The following LRMDA variants were observed in gnomAD, a reference collection of about 807,000 sequenced individuals.
The protein encoded by LRMDA is leucine-rich melanocyte differentiation-associated protein.
LRMDA carries 18 observed loss-of-function variants against 29.8 expected under a neutral mutation model. The observed-to-expected ratio is 0.60, with a 90% confidence interval of 0.42 to 0.90. LRMDA has a LOEUF of 0.90. Among genes scored for constraint, LRMDA ranks in the 40% least tolerant of loss-of-function variants. The probability of loss-of-function intolerance (pLI) is 0.00; values close to 1 mark genes in which losing one functional copy is unlikely to be tolerated. For synonymous variants in LRMDA, 125 were observed against 109.4 expected, an observed-to-expected ratio of 1.14 and a Z score of -0.89; for missense variants, 273 against 273.9, an observed-to-expected ratio of 1.00 and a Z score of 0.02.
chr10:75,627,666 C>T (rs763411914), intron 2 of LRMDA, among the ~76,000 whole-genome samples: 28 of 152,276 alleles, frequency 1.8e-4, no homozygotes, highest in African/African-American at 3.4e-4. Flanking sequence ...CAGTCTACCA[C>T]GATGCTTGGA....
intron 5 of LRMDA, among the ~76,000 whole-genome samples, chr10:76,202,211 A>G (rs1412547690): frequency 6.6e-6 from 1 of 152,202 alleles, no homozygotes; most frequent in Non-Finnish European, 1.5e-5. Context: ...CACCAGGGAC[A>G]CAGATACAGG....
At chr10:75,765,927 A>G (rs1327290562) in intron 2 of LRMDA, among the ~76,000 whole-genome samples, 1 of 152,152 alleles carries the variant, frequency 6.6e-6, no homozygotes, top group African/African-American at 2.4e-5. Context: ...TGTGGGAAGC[A>G]TGGAGTATGC....
At chr10:75,637,789 C>T (rs1007624346) in intron 2 of LRMDA, among the ~76,000 whole-genome samples, 1 of 152,166 alleles carries the variant, frequency 6.6e-6, no homozygotes, top group Non-Finnish European at 1.5e-5. Flanking sequence ...GGCAGCTGCC[C>T]AGAGTGGAAT....
At chr10:76,449,075 A>C (rs77964674) in intron 6 of LRMDA, among the ~76,000 whole-genome samples, 47 of 152,004 alleles carry the variant, frequency 3.1e-4, no homozygotes, top group African/African-American at 1.0e-3. Context: ...AACTTTATCA[A>C]ATATACTAAA....
intron 5 of LRMDA, among the ~76,000 whole-genome samples, chr10:76,293,406 T>C (rs2132350686): frequency 6.6e-6 from 1 of 152,310 alleles, no homozygotes; most frequent in East Asian, 1.9e-4. Flanking sequence ...CTACCCAAAA[T>C]GGTAATTTTG....
intron 6 of LRMDA, among the ~76,000 whole-genome samples, chr10:76,366,638 C>G (rs1169010323): frequency 6.6e-6 from 1 of 152,122 alleles, no homozygotes; most frequent in African/African-American, 2.4e-5. Flanking sequence ...TTTATCAGTT[C>G]TACAAGTTTT....
intron 2 of LRMDA, among the ~76,000 whole-genome samples, chr10:75,621,083 C>T (rs1049737373): frequency 5.3e-5 from 8 of 152,132 alleles, no homozygotes; most frequent in South Asian, 2.1e-4. Flanking sequence ...TGAGAACATA[C>T]GATGTTTGGT....
chr10:76,329,914 A>T (rs1840884384), intron 6 of LRMDA, among the ~76,000 whole-genome samples: 1 of 152,234 alleles, frequency 6.6e-6, no homozygotes, highest in Non-Finnish European at 1.5e-5. Context: ...AGACATAAAT[A>T]CAGAGTGTTT....
intron 5 of LRMDA, among the ~76,000 whole-genome samples, chr10:76,214,034 C>G (rs1051013788): frequency 6.6e-6 from 1 of 152,180 alleles, no homozygotes; most frequent in African/African-American, 2.4e-5. Context: ...CATGTTACAT[C>G]ATGGCCCATG....
intron 2 of LRMDA, among the ~76,000 whole-genome samples, chr10:75,560,010 A>G (rs1021655401): frequency 2.6e-4 from 39 of 150,852 alleles, no homozygotes; most frequent in African/African-American, 9.5e-4. Context: ...TGGCTTGGCG[A>G]TGTGGGCTCT....
intron 6 of LRMDA, among the ~76,000 whole-genome samples, chr10:76,392,141 C>A (rs967996066): frequency 2.6e-5 from 4 of 151,906 alleles, no homozygotes; most frequent in Admixed American, 6.6e-5. Context: ...ACAGCTAATT[C>A]TATTTTCTGA....
At chr10:76,526,171 A>G (rs1843172456) in intron 6 of LRMDA, among the ~76,000 whole-genome samples, 1 of 152,178 alleles carries the variant, frequency 6.6e-6, no homozygotes, top group Non-Finnish European at 1.5e-5. Context: ...CTCTCAAATC[A>G]TGAGAAAAGT....
intron 2 of LRMDA, among the ~76,000 whole-genome samples, chr10:75,900,863 A>G (rs762600808): frequency 6.6e-6 from 1 of 152,168 alleles, no homozygotes; most frequent in Non-Finnish European, 1.5e-5. Flanking sequence ...GTCTTACTGC[A>G]TAGGACCTTG....
At chr10:76,398,850 G>A (rs1049318945) in intron 6 of LRMDA, among the ~76,000 whole-genome samples, 1 of 152,144 alleles carries the variant, frequency 6.6e-6, no homozygotes, top group Non-Finnish European at 1.5e-5. Context: ...ATTCCCACTT[G>A]ATGCAGTATT....
At chr10:75,538,967 C>A (rs1839984251) in intron 2 of LRMDA, among the ~76,000 whole-genome samples, 1 of 152,174 alleles carries the variant, frequency 6.6e-6, no homozygotes, top group African/African-American at 2.4e-5. Context: ...CAGCAGGGTG[C>A]CATCCCTATA....
At chr10:76,473,454 C>G (rs770041473) in intron 6 of LRMDA, among the ~76,000 whole-genome samples, 2 of 151,322 alleles carry the variant, frequency 1.3e-5, no homozygotes, top group South Asian at 4.2e-4. Flanking sequence ...TGATCAGGAA[C>G]AAGACCAAGA....
chr10:75,558,016 C>T (rs994471491), intron 2 of LRMDA, among the ~76,000 whole-genome samples: 1 of 152,106 alleles, frequency 6.6e-6, no homozygotes, highest in African/African-American at 2.4e-5. Flanking sequence ...TCGTAGTTCT[C>T]TGATGAGGGA....
At chr10:76,261,448 G>C (rs947779216) in intron 5 of LRMDA, among the ~76,000 whole-genome samples, 10 of 151,674 alleles carry the variant, frequency 6.6e-5, no homozygotes, top group African/African-American at 2.2e-4. Context: ...ATGTCCATCA[G>C]AATCATATGA....
chr10:75,876,145 C>A (rs1845194509), intron 2 of LRMDA, among the ~76,000 whole-genome samples: 1 of 152,186 alleles, frequency 6.6e-6, no homozygotes, highest in African/African-American at 2.4e-5. Context: ...GTGATTGGAC[C>A]TGGTAGCAGG....
Sources: allele counts gnomAD v4.1 joint callset (sites outside exome capture counted in the v4.1 genomes callset), GRCh38; gene constraint gnomAD v4.1.1; transcripts MANE v1.5; gene names NCBI Gene and HGNC (gene_info 2026-07-23, HGNC 2026-07-21).